LRP1B: variants seen among roughly 807,000 people sequenced by gnomAD.
LRP1B encodes the protein LDL receptor related protein 1B.
LRP1B carries 217 observed loss-of-function variants against 556.6 expected under a neutral mutation model. The observed-to-expected ratio is 0.39, with a 90% CI of 0.35 to 0.44. The LOEUF is 0.44. LRP1B is among the 20% of genes least tolerant of loss of function. The pLI, the probability that LRP1B is intolerant of heterozygous loss-of-function variation, is 1.00. For synonymous variants in LRP1B, 2,047 were observed against 1,865.8 expected, an observed-to-expected ratio of 1.10 and a Z score of -2.50; for missense variants, 5,053 against 5,620.8, an observed-to-expected ratio of 0.90 and a Z score of 3.23.
At chr2:140,339,253 G>A (rs568894941) in intron 77 of LRP1B, among the ~76,000 whole-genome samples, 69 of 149,772 alleles carry the variant, frequency 4.6e-4, no homozygotes, top group African/African-American at 1.7e-3. Flanking sequence ...CACAATTCCA[G>A]CTTCAATAAA....
chr2:140,328,413 CTCTAAAATTT>C (rs1680606948), intron 79 of LRP1B, among the ~76,000 whole-genome samples: 1 of 151,350 alleles, frequency 6.6e-6, no homozygotes, highest in South Asian at 2.1e-4. Flanking sequence ...TCTTGTCAAA[CTCTAAAATTT>C]TCTAAGATCT....
Position 141,005,378 on chromosome 2 carries a change from A to C in LRP1B, c.2460T>G (p.Cys820Trp), listed in dbSNP as rs2105373721. The change falls in exon 15 of 91, where the codon TGT becomes TGG. Residue 820 changes from cysteine (C) to tryptophan (W), a missense_variant. Cys to Trp is a radical substitution (Grantham distance 215). Transcript: ENST00000389484. The stretch of plus-strand genomic sequence containing the variant: ...TTTCATCCAAAAGTTGATTATCGGC[A>C]CAAGCACACACCCGGCCTCCTGGGA... ...LAIPGGRVCA[C>W]ADNQLLDENG... 2 of 1,611,006 alleles carry C rather than the reference A, an allele frequency of 1.2e-6. No individual in the cohort carries two copies. The highest frequency in any genetic ancestry group is 1.7e-6 in the Non-Finnish European group (2 of 1,178,020).
chr2:140,494,158 G>A (rs1301385023), intron 56 of LRP1B, among the ~76,000 whole-genome samples: 2 of 152,084 alleles, frequency 1.3e-5, no homozygotes, highest in African/African-American at 2.4e-5. Flanking sequence ...ATTTGTATGA[G>A]TTTCTAAGTA....
At chr2:141,381,102 A>G (rs1291200530) in intron 3 of LRP1B, among the ~76,000 whole-genome samples, 1 of 152,146 alleles carries the variant, frequency 6.6e-6, no homozygotes, top group Non-Finnish European at 1.5e-5. Context: ...TGAAATGAAG[A>G]TACATGATTT....
intron 29 of LRP1B, among the ~76,000 whole-genome samples, chr2:140,842,148 C>T (rs532325020): frequency 2.0e-5 from 3 of 152,136 alleles, no homozygotes; most frequent in Non-Finnish European, 4.4e-5. Flanking sequence ...TACCTCTAGT[C>T]GAATTGCTAT....
At chr2:141,993,863 G>A (rs953767670) in intron 1 of LRP1B, among the ~76,000 whole-genome samples, 6 of 152,172 alleles carry the variant, frequency 3.9e-5, no homozygotes, top group Admixed American at 3.3e-4. Context: ...GATACAGAAC[G>A]AAGCTTGACC....
chr2:141,824,406 C>G (rs765623253), intron 1 of LRP1B, among the ~76,000 whole-genome samples: 4 of 152,210 alleles, frequency 2.6e-5, no homozygotes, highest in Non-Finnish European at 4.4e-5. Context: ...TTTACCCAGG[C>G]TGGAATGCAG....
At chr2:141,985,588 T>C (rs1184716131) in intron 1 of LRP1B, among the ~76,000 whole-genome samples, 2 of 151,924 alleles carry the variant, frequency 1.3e-5, no homozygotes, top group African/African-American at 4.8e-5. Flanking sequence ...AAAGCACAAA[T>C]TTTCCCTTTA....
At chr2:141,837,471 A>G (rs185314037) in intron 1 of LRP1B, among the ~76,000 whole-genome samples, 129 of 152,152 alleles carry the variant, frequency 8.5e-4, no homozygotes, top group Non-Finnish European at 1.9e-4. Context: ...AGAAGTTATG[A>G]TGAAAAAATC....
intron 2 of LRP1B, among the ~76,000 whole-genome samples, chr2:141,676,170 T>C (rs527910675): frequency 6.6e-6 from 1 of 152,252 alleles, no homozygotes; most frequent in South Asian, 2.1e-4. Context: ...TGTGATATTA[T>C]ATTATTCATT....
At chr2:141,399,483 A>T in intron 3 of LRP1B, among the ~76,000 whole-genome samples, 1 of 152,172 alleles carries the variant, frequency 6.6e-6, no homozygotes, top group East Asian at 1.9e-4. Context: ...TGGTTCCCCC[A>T]GCGGCTACAT....
intron 4 of LRP1B, 125 bp downstream of exon 4, chr2:141,254,397 C>T (rs934246851): frequency 3.2e-6 from 3 of 951,856 alleles, no homozygotes; most frequent in East Asian, 5.6e-5. Context: ...ACTTTTAAAT[C>T]TCAAGAAAGA....
At position 140,883,858 on chromosome 2, in the gene LRP1B, G is replaced by A. The variant is rs1573840289; in HGVS notation, c.4128C>T (p.Ala1376=). ...AAGCAATGGCCCTGGGGTGTTCCAT[G>A]GCTCCTGCTATTAGTGTAGTTCTTA... is the stretch of plus-strand genomic sequence containing the variant. ...GSLRTTLIAG[A]MEHPRAIALD... The change falls in exon 25 of 91, where the codon GCC becomes GCT. Residue 1376 remains alanine, a synonymous_variant. Transcript: ENST00000389484. The A allele has an allele frequency of 6.2e-7, 1 of 1,613,762 alleles. No individual in the cohort carries two copies. Among genetic ancestry groups the A allele is most frequent in the African/African-American group, 1.3e-5 (1 of 74,886 alleles).
At chr2:141,537,406 G>T (rs1180087962) in intron 2 of LRP1B, among the ~76,000 whole-genome samples, 1 of 152,046 alleles carries the variant, frequency 6.6e-6, no homozygotes, top group Admixed American at 6.6e-5. Context: ...AAATGAAATA[G>T]ATTTTATTGG....
At chr2:141,152,498 C>T (rs1048279412) in intron 7 of LRP1B, among the ~76,000 whole-genome samples, 1 of 151,842 alleles carries the variant, frequency 6.6e-6, no homozygotes, top group Admixed American at 6.6e-5. Flanking sequence ...GGAATGTAAA[C>T]ATGCCAGTAA....
chr2:140,634,543 G>A (rs915419305), intron 41 of LRP1B, among the ~76,000 whole-genome samples: 6 of 152,092 alleles, frequency 3.9e-5, no homozygotes, highest in Admixed American at 1.3e-4. Flanking sequence ...AACAAAGAAT[G>A]AGGGAAAGAG....
At chr2:141,962,929 C>T (rs1379751766) in intron 1 of LRP1B, among the ~76,000 whole-genome samples, 1 of 151,684 alleles carries the variant, frequency 6.6e-6, no homozygotes, top group East Asian at 1.9e-4. Context: ...CTTTTCAGGA[C>T]CTGGAATAGC....
intron 6 of LRP1B, among the ~76,000 whole-genome samples, 196 bp downstream of exon 6, chr2:141,228,987 T>C (rs748005912): frequency 2.2e-4 from 33 of 152,188 alleles, no homozygotes; most frequent in Non-Finnish European, 3.7e-4. Flanking sequence ...TTATGACTTA[T>C]TTAAATAGAG....
chr2:142,085,666 T>C (rs904115835), intron 1 of LRP1B, among the ~76,000 whole-genome samples: 7 of 152,326 alleles, frequency 4.6e-5, no homozygotes, highest in Admixed American at 1.3e-4. Context: ...TGTGTGTGTA[T>C]GTGTATGAGA....
Sources: gnomAD v4.1 joint callset for allele counts (sites outside exome capture counted in the v4.1 genomes callset) on GRCh38, gnomAD v4.1.1 for gene constraint, MANE v1.5 for transcripts, NCBI Gene and HGNC (gene_info 2026-07-23, HGNC 2026-07-21) for gene names.